SNRPD3: variants seen among roughly 807,000 people sequenced by gnomAD.
SNRPD3 encodes the protein small nuclear ribonucleoprotein D3 polypeptide, also known as small nuclear ribonucleoprotein Sm D3.
For synonymous variants in SNRPD3, 66 were observed against 58.4 expected, an observed-to-expected ratio of 1.13 and a Z score of -0.59; for missense variants, 73 against 167.5, an observed-to-expected ratio of 0.44 and a Z score of 3.11.
At chr22:24,565,052 T>C (rs1205259622) in intron 2 of SNRPD3, among the ~76,000 whole-genome samples, 1 of 151,784 alleles carries the variant, frequency 6.6e-6, no homozygotes, top group Non-Finnish European at 1.5e-5. Flanking sequence ...CCTGGCTAAT[T>C]GTTAAAAATT....
chr22:24,571,887 C>T (rs1056760298), intron 3 of SNRPD3, 29 bp from the exon 4 acceptor site: 2 of 1,613,540 alleles, frequency 1.2e-6, no homozygotes, highest in Admixed American at 1.7e-5. Context: ...CCACACTGAC[C>T]TGGCCTCATA....
intron 2 of SNRPD3, among the ~76,000 whole-genome samples, chr22:24,563,193 C>A (rs2045159966): frequency 6.8e-6 from 1 of 147,496 alleles, no homozygotes; most frequent in South Asian, 2.2e-4. Context: ...CACAGTGAGA[C>A]CCTGTCTCAT....
At chr22:24,561,064 C>CTTTTTTTTT (rs1164120857) in intron 2 of SNRPD3, among the ~76,000 whole-genome samples, 63 of 61,674 alleles carry the variant, frequency 1.0e-3, no homozygotes, top group African/African-American at 2.4e-3. Context: ...TTTTTCTTTT[C>CTTTTTTTTT]TTTTTTTTTT....
chr22:24,557,634 G>T, intron 1 of SNRPD3, 23 bp from the exon 2 acceptor site: 2 of 1,589,770 alleles, frequency 1.3e-6, no homozygotes, highest in South Asian at 2.2e-5. Context: ...AAGATGAACT[G>T]ACTGTTGTCT....
Position 24,563,204 on chromosome 22 carries a change from ATATG to A in SNRPD3, c.127-4778_127-4775del, listed in dbSNP as rs1191784110. Among the ~76,000 whole-genome samples the A allele has an allele frequency of 2.1e-3, 205 of 99,434 alleles. 1 individual carries two copies. Among genetic ancestry groups the A allele is most frequent in the African/African-American group, 5.8e-3 (193 of 33,516 alleles). 65.2% of individuals were successfully genotyped at this position (99,434 alleles called of 152,430 possible). On this transcript the variant is annotated intron_variant, in intron 2 of 3. Coordinates refer to ENST00000215829, the MANE Select transcript of SNRPD3 (RefSeq NM_004175.5). The stretch of plus-strand genomic sequence containing the variant: ...GCAACACAGTGAGACCCTGTCTCAT[ATATG>A]TGTGTGTGTGTGTGTGTGTGTGTGT...
chr22:24,557,985 C>A (rs1307855202), intron 2 of SNRPD3, 185 bp downstream of exon 2: 3 of 471,548 alleles, frequency 6.4e-6, no homozygotes, highest in African/African-American at 4.1e-5. Context: ...GACACATAAT[C>A]TTGAGGCAGA....
At chr22:24,564,464 C>T (rs1601568122) in intron 2 of SNRPD3, among the ~76,000 whole-genome samples, 1 of 152,338 alleles carries the variant, frequency 6.6e-6, no homozygotes, top group East Asian at 1.9e-4. Flanking sequence ...AAAGTTGCTG[C>T]CTTGGGCTTG....
At chr22:24,571,560 G>A (rs1362303041) in intron 3 of SNRPD3, among the ~76,000 whole-genome samples, 2 of 152,096 alleles carry the variant, frequency 1.3e-5, no homozygotes, top group Non-Finnish European at 2.9e-5. Context: ...CCAACATGGT[G>A]AAACCCTGTC....
chr22:24,556,211 C>T (rs1321222416), intron 1 of SNRPD3, 140 bp downstream of exon 1: 12 of 353,900 alleles, frequency 3.4e-5, no homozygotes, highest in Admixed American at 8.9e-5. Context: ...ATCAGCGTCG[C>T]CTCACTAGCT....
chr22:24,565,597 T>C (rs1328577197), intron 2 of SNRPD3, among the ~76,000 whole-genome samples: 1 of 152,164 alleles, frequency 6.6e-6, no homozygotes, highest in Non-Finnish European at 1.5e-5. Context: ...TTTAGGCCTA[T>C]TTTGTGTCTT....
chr22:24,571,165 C>T (rs2045246810), intron 3 of SNRPD3, among the ~76,000 whole-genome samples: 1 of 152,172 alleles, frequency 6.6e-6, no homozygotes, highest in Non-Finnish European at 1.5e-5. Context: ...TAATATAACC[C>T]TTCTCCCAGA....
chr22:24,561,893 G>C (rs2045147392), intron 2 of SNRPD3, among the ~76,000 whole-genome samples: 1 of 152,130 alleles, frequency 6.6e-6, no homozygotes, highest in Non-Finnish European at 1.5e-5. Flanking sequence ...CAGCCATTCA[G>C]GTGGAGGCTG....
In SNRPD3 at chr22:24,556,028, A is replaced by G. The variant is rs1010325335; in HGVS notation, c.-62A>G. On this transcript the variant is annotated 5_prime_UTR_variant, in exon 1 of 4. Coordinates refer to ENST00000215829, the MANE Select transcript of SNRPD3 (RefSeq NM_004175.5). ...GCTTGACTCACGCCTTCGCCGTAGC[A>G]TCTTTCGCAGCGGACCGAAGAGAAG... 51 of 628,250 alleles carry G rather than the reference A, an allele frequency of 8.1e-5. No individual in the cohort carries two copies. Among genetic ancestry groups the G allele is most frequent in the Admixed American group, 5.8e-5 (2 of 34,562 alleles). 38.9% of individuals were successfully genotyped at this position (628,250 alleles called of 1,614,324 possible). A position where few individuals can be genotyped will look rare whatever the true frequency, so the allele number is the denominator to read the frequency against.
chr22:24,559,767 C>T (rs1296129373), intron 2 of SNRPD3, among the ~76,000 whole-genome samples: 1 of 152,078 alleles, frequency 6.6e-6, no homozygotes, highest in African/African-American at 2.4e-5. Flanking sequence ...CACCTGCCTC[C>T]CTGCTTGTAT....
upstream of SNRPD3, chr22:24,555,708 C>G (rs937106666): frequency 1.9e-6 from 3 of 1,550,582 alleles, no homozygotes; most frequent in Middle Eastern, 1.7e-4. Flanking sequence ...GCCCAAGCCC[C>G]GCGTCTCCGC....
chr22:24,564,429 A>G (rs1183172788), intron 2 of SNRPD3, among the ~76,000 whole-genome samples: 1 of 152,146 alleles, frequency 6.6e-6, no homozygotes, highest in Non-Finnish European at 1.5e-5. Context: ...TCCTGCCTGG[A>G]GTTGATTAGG....
At chr22:24,557,893 C>A in intron 2 of SNRPD3, 93 bp downstream of exon 2, 1 of 1,322,130 alleles carries the variant, frequency 7.6e-7, no homozygotes, top group Non-Finnish European at 1.0e-6. Flanking sequence ...GGAAATTGTT[C>A]TCATTCAGCA....
chr22:24,562,405 G>A (rs1035411633), intron 2 of SNRPD3, among the ~76,000 whole-genome samples: 7 of 152,070 alleles, frequency 4.6e-5, no homozygotes, highest in African/African-American at 1.4e-4. Flanking sequence ...TTAGCCAGGT[G>A]TGGTGGCGGG....
At chr22:24,556,587 T>C (rs554039828) in intron 1 of SNRPD3, among the ~76,000 whole-genome samples, 2 of 152,360 alleles carry the variant, frequency 1.3e-5, no homozygotes, top group South Asian at 4.1e-4. Context: ...CTTTCCACAC[T>C]GTTGCAGCAG....
Sources: gnomAD v4.1 joint callset for allele counts (sites outside exome capture counted in the v4.1 genomes callset) on GRCh38, gnomAD v4.1.1 for gene constraint, MANE v1.5 for transcripts, NCBI Gene and HGNC (gene_info 2026-07-23, HGNC 2026-07-21) for gene names.